The following NPAS3 variants were observed in gnomAD, a reference collection of about 807,000 sequenced individuals.
NPAS3 encodes neuronal PAS domain-containing protein 3.
Under a neutral mutation model 73.1 loss-of-function variants are expected in NPAS3, and 14 were observed. The ratio of observed to expected loss-of-function variants is 0.19; its 90% CI spans 0.13 to 0.30. The LOEUF (loss-of-function observed/expected upper bound fraction) is 0.30. Ranked by LOEUF, NPAS3 falls within the 10% of genes least tolerant of loss-of-function variation. The pLI, the probability that NPAS3 is intolerant of heterozygous loss-of-function variation, is 1.00. For synonymous variants in NPAS3, 620 were observed against 541.5 expected (o/e 1.14, Z -2.01); for missense variants, 1,096 against 1,250.0 (o/e 0.88, Z 1.86).
chr14:33,320,838 C>G (rs1429691684), intron 3 of NPAS3, among the ~76,000 whole-genome samples: 1 of 152,054 alleles, frequency 6.6e-6, no homozygotes, highest in Non-Finnish European at 1.5e-5. Flanking sequence ...TTTGTTAATT[C>G]ATTGTTTAGT....
At chr14:33,652,498 C>T (rs2059023651) in intron 5 of NPAS3, among the ~76,000 whole-genome samples, 1 of 152,156 alleles carries the variant, frequency 6.6e-6, no homozygotes, top group South Asian at 2.1e-4. Context: ...TCCTAAAACC[C>T]TTGTGATGGG....
At chr14:33,295,734 A>G (rs2042270977) in intron 3 of NPAS3, among the ~76,000 whole-genome samples, 1 of 152,336 alleles carries the variant, frequency 6.6e-6, no homozygotes, top group African/African-American at 2.4e-5. Context: ...TATAGAGTCC[A>G]TAAGGAGTTA....
chr14:33,420,651 G>A (rs1295818916), intron 4 of NPAS3, among the ~76,000 whole-genome samples: 3 of 151,846 alleles, frequency 2.0e-5, no homozygotes, highest in Admixed American at 2.0e-4. Context: ...TGGCATAACA[G>A]ATCTAAAAGG....
chr14:33,010,815 G>A (rs1471578425), intron 1 of NPAS3, among the ~76,000 whole-genome samples: 1 of 151,786 alleles, frequency 6.6e-6, no homozygotes, highest in East Asian at 1.9e-4. Context: ...TGCACCTGTA[G>A]TCCCAGCTAC....
At chr14:33,442,920 G>A (rs907649568) in intron 4 of NPAS3, among the ~76,000 whole-genome samples, 1 of 152,150 alleles carries the variant, frequency 6.6e-6, no homozygotes, top group Non-Finnish European at 1.5e-5. Context: ...TACTTAAAGA[G>A]GTAAGGTTGA....
At chr14:32,958,281 C>G (rs1402791730) in intron 1 of NPAS3, among the ~76,000 whole-genome samples, 2 of 152,164 alleles carry the variant, frequency 1.3e-5, no homozygotes, top group Admixed American at 1.3e-4. Flanking sequence ...CCCCATGAAC[C>G]TACCATTATC....
chr14:33,013,593 AC>A (rs2039289134), intron 1 of NPAS3, among the ~76,000 whole-genome samples: 2 of 152,158 alleles, frequency 1.3e-5, no homozygotes, highest in African/African-American at 2.4e-5. Context: ...AACTTTTTAT[AC>A]ATCTATACAT....
chr14:33,641,254 G>C (rs1257114575), intron 5 of NPAS3, among the ~76,000 whole-genome samples: 1 of 152,114 alleles, frequency 6.6e-6, no homozygotes, highest in Non-Finnish European at 1.5e-5. Context: ...AGCCCTCTCT[G>C]TAGTAGTCAA....
chr14:33,630,626 G>A (rs1018036282), intron 5 of NPAS3, among the ~76,000 whole-genome samples: 6 of 152,144 alleles, frequency 3.9e-5, no homozygotes, highest in Non-Finnish European at 2.9e-5. Flanking sequence ...CAAACAATTT[G>A]ACAGGAGTTT....
intron 2 of NPAS3, among the ~76,000 whole-genome samples, chr14:33,138,429 C>G (rs1441925085): frequency 6.6e-6 from 1 of 152,014 alleles, no homozygotes; most frequent in African/African-American, 2.4e-5. Context: ...AAGCATAAAA[C>G]TTGTAAAGGA....
chr14:33,208,400 A>G (rs1233580806), intron 2 of NPAS3, among the ~76,000 whole-genome samples: 1 of 152,178 alleles, frequency 6.6e-6, no homozygotes, highest in African/African-American at 2.4e-5. Context: ...AAAACCAATT[A>G]ATTTAATTAT....
At chr14:33,098,804 A>C (rs2042497377) in intron 2 of NPAS3, among the ~76,000 whole-genome samples, 1 of 152,230 alleles carries the variant, frequency 6.6e-6, no homozygotes, top group East Asian at 1.9e-4. Context: ...AAGCCATATA[A>C]ATTTCAATGA....
chr14:33,304,225 CTTGAAG>C (rs2042669348), intron 3 of NPAS3, among the ~76,000 whole-genome samples: 1 of 152,162 alleles, frequency 6.6e-6, no homozygotes, highest in African/African-American at 2.4e-5. Context: ...TAATGTGGAA[CTTGAAG>C]TTGAACTATT....
chr14:33,246,553 AAAAAG>A (rs1168581078), intron 3 of NPAS3, among the ~76,000 whole-genome samples: 19 of 150,344 alleles, frequency 1.3e-4, no homozygotes, highest in Admixed American at 1.3e-4. Flanking sequence ...AAAAAAAAAA[AAAAAG>A]AAGAACTAAG....
Position 32,960,472 on chromosome 14 carries a change from C to T in NPAS3, c.50+21106C>T, listed in dbSNP as rs113727832. Among the ~76,000 whole-genome samples the T allele has an allele frequency of 5.5e-4, 83 of 152,196 alleles. 1 individual carries two copies. The highest frequency in any genetic ancestry group is 3.4e-3 in the Middle Eastern group (1 of 294). ...GCTTAATGGTGGTTGGCTGAGAGAGCGTCTCTGACAAATTACCAAGAACAC... is the reference window on the plus strand; with the variant it reads ...GCTTAATGGTGGTTGGCTGAGAGAGTGTCTCTGACAAATTACCAAGAACAC... On this transcript the variant is annotated intron_variant, in intron 1 of 11. Coordinates refer to ENST00000356141, the Ensembl canonical transcript of NPAS3.
intron 3 of NPAS3, among the ~76,000 whole-genome samples, chr14:33,266,922 G>A (rs1284041355): frequency 6.6e-6 from 1 of 152,142 alleles, no homozygotes; most frequent in Non-Finnish European, 1.5e-5. Context: ...GAAAGTTGCT[G>A]CCTTAAAAAA....
intron 5 of NPAS3, among the ~76,000 whole-genome samples, chr14:33,560,617 G>A (rs1595156275): frequency 6.6e-6 from 1 of 152,146 alleles, no homozygotes; most frequent in Non-Finnish European, 1.5e-5. Context: ...GGAGTCATTT[G>A]GAGTCAAGAA....
At chr14:33,402,465 C>T (rs2047488734) in intron 4 of NPAS3, among the ~76,000 whole-genome samples, 1 of 152,024 alleles carries the variant, frequency 6.6e-6, no homozygotes. Flanking sequence ...GTGTGAGGGA[C>T]ATCATCTGAC....
At chr14:33,717,995 A>G (rs975351946) in intron 6 of NPAS3, among the ~76,000 whole-genome samples, 1 of 134,460 alleles carries the variant, frequency 7.4e-6, no homozygotes, top group Non-Finnish European at 1.8e-5. Flanking sequence ...TGCTTTTGTA[A>G]TGGGTTTTTT....
Sources: gnomAD v4.1 joint callset for allele counts (sites outside exome capture counted in the v4.1 genomes callset) on GRCh38, gnomAD v4.1.1 for gene constraint, MANE v1.5 for transcripts, NCBI Gene and HGNC (gene_info 2026-07-23, HGNC 2026-07-21) for gene names.